USP32: variants seen among roughly 807,000 people sequenced by gnomAD.
USP32 encodes the protein ubiquitin carboxyl-terminal hydrolase 32.
In USP32, 59 loss-of-function variants were observed where a neutral mutation model predicts 204.8. The ratio of observed to expected loss-of-function variants is 0.29; its 90% CI spans 0.23 to 0.36. USP32 has a LOEUF of 0.36. Ranked by LOEUF, USP32 falls within the 10% of genes least tolerant of loss-of-function variation. The pLI, the probability that USP32 is intolerant of heterozygous loss-of-function variation, is 1.00. For missense variants in USP32, 1,160 were observed against 1,946.4 expected, an observed-to-expected ratio of 0.60 and a Z score of 7.60; for synonymous variants, 517 against 678.4, an observed-to-expected ratio of 0.76 and a Z score of 3.70.
Position 60,326,834 on chromosome 17 carries a change from G to C in USP32, c.186+18647C>G, listed in dbSNP as rs548899178. 9.2e-5 allele frequency among the ~76,000 whole-genome samples: 14 copies of C among 152,272 alleles called. No individual in the cohort carries two copies. The East Asian group carries it at 2.5e-3, about 27-fold the overall frequency. ...AGATGTTCTGAGTTATATTTATATA[G>C]ATTACTATCCTGCCAAGTTATTTTA... On this transcript the variant is annotated intron_variant, in intron 2 of 33. Coordinates refer to ENST00000300896, the MANE Select transcript of USP32 (RefSeq NM_032582.4).
At chr17:60,419,384 T>G (rs1429534630) in intron 1 of USP32, among the ~76,000 whole-genome samples, 1 of 151,822 alleles carries the variant, frequency 6.6e-6, no homozygotes, top group Non-Finnish European at 1.5e-5. Context: ...GTGGGAGAAG[T>G]GAGAGGATCA....
chr17:60,178,678 A>G lies in USP32; in HGVS notation c.*577T>C, dbSNP rs2084026731. Among the ~76,000 whole-genome samples, 1 of 152,222 alleles carries G rather than the reference A, an allele frequency of 6.6e-6. No homozygotes were observed. ...AACATAAATACAACGGCAAAAACAAAAAGCAAGAAAGACAAAGAAAGGGTA... is the reference window on the plus strand; with the variant it reads ...AACATAAATACAACGGCAAAAACAAGAAGCAAGAAAGACAAAGAAAGGGTA... On this transcript the variant is annotated 3_prime_UTR_variant, in exon 34 of 34. Coordinates refer to ENST00000300896, the MANE Select transcript of USP32 (RefSeq NM_032582.4).
intron 2 of USP32, among the ~76,000 whole-genome samples, chr17:60,319,896 G>T (rs1399244820): frequency 2.0e-5 from 3 of 152,086 alleles, no homozygotes; most frequent in South Asian, 4.1e-4. Context: ...AGTATACGGG[G>T]GTGAGGGGTG....
chr17:60,363,253 G>C (rs1022283198), intron 1 of USP32, among the ~76,000 whole-genome samples: 1 of 151,752 alleles, frequency 6.6e-6, no homozygotes, highest in Non-Finnish European at 1.5e-5. Flanking sequence ...TCAGGAGTTC[G>C]CAACCAGCCT....
At chr17:60,237,160 AT>A (rs1437425148) in intron 11 of USP32, among the ~76,000 whole-genome samples, 2 of 150,444 alleles carry the variant, frequency 1.3e-5, no homozygotes. Flanking sequence ...CTATCTATCT[AT>A]CTACAGAATC....
rs747340163 is a variant in USP32, at chr17:60,255,298, C to CTTT, written c.991-43_991-41dup. 5.1e-3 allele frequency: 5,621 copies of CTTT among 1,099,182 alleles called. 219 individuals carry two copies. In the African/African-American group the frequency reaches 0.083, roughly 16 times the overall value. The allele number at this position is 1,099,182 out of a possible 1,614,324, so 68.1% of individuals were successfully genotyped here. ...CTCATGTTAGGAACATCTTTTTTTT[C>CTTT]TTTTTTTTTTTTTTTTTGAGACGGA... is the stretch of plus-strand genomic sequence containing the variant. On this transcript the variant is annotated intron_variant, in intron 9 of 33. Transcript: ENST00000300896.
At chr17:60,226,271 A>AAT (rs1567782918) in intron 12 of USP32, 40 bp from the exon 13 acceptor site, 1 of 1,492,836 alleles carries the variant, frequency 6.7e-7, no homozygotes, top group Non-Finnish European at 8.9e-7. Flanking sequence ...CAAAGTTTAT[A>AAT]ATCTGACAAC....
At position 60,229,838 on chromosome 17, in the gene USP32, G is replaced by A. The variant is rs750162288; in HGVS notation, c.1240-3607C>T. Among the ~76,000 whole-genome samples, 118 of 151,740 alleles carry A rather than the reference G, an allele frequency of 7.8e-4. 1 individual carries two copies. Among genetic ancestry groups the A allele is most frequent in the Non-Finnish European group, 2.2e-4 (15 of 67,972 alleles). On this transcript the variant is annotated intron_variant, in intron 12 of 33. Transcript: ENST00000300896. The stretch of plus-strand genomic sequence containing the variant: ...TTTTTTTCCTTCTTTTTTTGAGACA[G>A]AGTCTCGCTTTGTTGCCCAGGCTGG...
At chr17:60,299,868 T>C (rs1042277801) in intron 3 of USP32, among the ~76,000 whole-genome samples, 1 of 152,138 alleles carries the variant, frequency 6.6e-6, no homozygotes, top group Non-Finnish European at 1.5e-5. Context: ...TCCTAGTTCA[T>C]AGACAGCCAC....
intron 1 of USP32, among the ~76,000 whole-genome samples, chr17:60,350,913 CA>C (rs2088931954): frequency 6.6e-6 from 1 of 151,674 alleles, no homozygotes. Flanking sequence ...TTTTAACTCA[CA>C]AAGACAAAAA....
intron 30 of USP32, among the ~76,000 whole-genome samples, chr17:60,184,253 T>C (rs2084189761): frequency 6.6e-6 from 1 of 150,444 alleles, no homozygotes; most frequent in Non-Finnish European, 1.5e-5. Context: ...AGGTGAGGCT[T>C]GCAGTGAACT....
At chr17:60,289,943 CCGG>C (rs2087228913) in intron 4 of USP32, among the ~76,000 whole-genome samples, 1 of 151,864 alleles carries the variant, frequency 6.6e-6, no homozygotes, top group Non-Finnish European at 1.5e-5. Context: ...TACTTTTAGC[CCGG>C]TACTTTCAGA....
chr17:60,332,066 A>C lies in USP32; in HGVS notation c.186+13415T>G, dbSNP rs776865024. On this transcript the variant is annotated intron_variant, in intron 2 of 33. Coordinates refer to ENST00000300896, the MANE Select transcript of USP32 (RefSeq NM_032582.4). ...AAGATCAGTTTTGGCAACATAGCGA[A>C]ACCCCATCTCTACAAAACAAAAATA... is the stretch of plus-strand genomic sequence containing the variant. 4.5e-4 allele frequency among the ~76,000 whole-genome samples: 69 copies of C among 152,240 alleles called. 1 individual carries two copies. Among genetic ancestry groups the C allele is most frequent in the Admixed American group, 9.8e-4 (15 of 15,288 alleles).
intron 12 of USP32, among the ~76,000 whole-genome samples, chr17:60,231,101 C>T (rs1189641837): frequency 6.6e-6 from 1 of 152,126 alleles, no homozygotes; most frequent in Admixed American, 6.6e-5. Context: ...GGACTAGGTA[C>T]TTATTTTAAT....
intron 1 of USP32, among the ~76,000 whole-genome samples, chr17:60,362,823 T>C (rs1173595291): frequency 6.6e-6 from 1 of 151,900 alleles, no homozygotes; most frequent in African/African-American, 2.4e-5. Flanking sequence ...CAAGTATCCT[T>C]CTTTCCCTCA....
chr17:60,192,933 G>GA lies in USP32; in HGVS notation c.3435-4dup. On this transcript the variant is annotated splice_region_variant and splice_polypyrimidine_tract_variant and intron_variant, in intron 27 of 33. Coordinates refer to ENST00000300896, the MANE Select transcript of USP32 (RefSeq NM_032582.4). ...ATTGATAGCCCATACTGTCGTCACT[G>GA]AAACAGAAGAGAACAAAAAGAGTGT... 6.2e-7 allele frequency: 1 copy of GA among 1,613,438 alleles called. No individual in the cohort carries two copies. The highest frequency in any genetic ancestry group is 8.5e-7 in the Non-Finnish European group (1 of 1,179,456).
At chr17:60,280,106 T>G (rs564859661) in intron 5 of USP32, among the ~76,000 whole-genome samples, 2 of 152,076 alleles carry the variant, frequency 1.3e-5, no homozygotes, top group South Asian at 4.2e-4. Flanking sequence ...TTATTATTAT[T>G]ATTTTTTGAG....
chr17:60,203,294 G>C (rs1598057170), intron 26 of USP32, among the ~76,000 whole-genome samples: 1 of 151,012 alleles, frequency 6.6e-6, no homozygotes, highest in Non-Finnish European at 1.5e-5. Flanking sequence ...TCAGCTACTT[G>C]GGAGGCTGAG....
At chr17:60,315,055 A>C (rs1375627588) in intron 2 of USP32, among the ~76,000 whole-genome samples, 1 of 152,244 alleles carries the variant, frequency 6.6e-6, no homozygotes, top group Admixed American at 6.5e-5. Context: ...GGAAATGCAA[A>C]TCAAAACCAC....
Sources: gnomAD v4.1 joint callset for allele counts (sites outside exome capture counted in the v4.1 genomes callset) on GRCh38, gnomAD v4.1.1 for gene constraint, MANE v1.5 for transcripts, NCBI Gene and HGNC (gene_info 2026-07-23, HGNC 2026-07-21) for gene names.